The following LINGO2 variants were observed in gnomAD, a reference collection of about 807,000 sequenced individuals.
LINGO2 encodes the protein leucine rich repeat and Ig domain containing 2, also known as leucine-rich repeat and immunoglobulin-like domain-containing nogo receptor-interacting protein 2.
In LINGO2, 14 loss-of-function variants were observed where a neutral mutation model predicts 30.6. The ratio of observed to expected loss-of-function variants is 0.46; its 90% CI spans 0.30 to 0.72. LINGO2 has a LOEUF of 0.72. Among genes scored for constraint, LINGO2 ranks in the 30% least tolerant of loss-of-function variants. The pLI, the probability that LINGO2 is intolerant of heterozygous loss-of-function variation, is 0.07. For missense variants in LINGO2, 729 were observed against 751.7 expected (o/e 0.97, Z 0.35); for synonymous variants, 317 against 288.5 (o/e 1.10, Z -1.00).
intron 4 of LINGO2, among the ~76,000 whole-genome samples, chr9:28,224,661 C>T (rs1362453883): frequency 2.6e-5 from 4 of 152,052 alleles, no homozygotes; most frequent in Non-Finnish European, 5.9e-5. Flanking sequence ...TTTCCTTCCC[C>T]ATACCCTTCC....
the LINGO2 span, among the ~76,000 whole-genome samples, chr9:28,847,518 C>T: frequency 6.8e-6 from 1 of 146,564 alleles, no homozygotes; most frequent in African/African-American, 2.6e-5. Flanking sequence ...CTTCACATGC[C>T]TTTCATCCCC....
At chr9:28,836,268 G>C in the LINGO2 span, among the ~76,000 whole-genome samples, 1 of 152,172 alleles carries the variant, frequency 6.6e-6, no homozygotes, top group Admixed American at 6.5e-5. Flanking sequence ...CCAGTTCTCA[G>C]CATGGAGGCT....
In LINGO2 at chr9:28,433,474, C is replaced by G. The variant is rs78972350; in HGVS notation, c.-279+42466G>C. Among the ~76,000 whole-genome samples, 874 of 152,150 alleles carry G rather than the reference C, an allele frequency of 5.7e-3. 6 individuals are homozygous for G. Among genetic ancestry groups the G allele is most frequent in the South Asian group, 0.013 (62 of 4,828 alleles). On this transcript the variant is annotated intron_variant, in intron 2 of 5. Transcript: ENST00000379992. Reference sequence around the variant, plus strand: ...ATGCAAACCAGAAAGAGATGAACCTCAAAGCCTAGGATAGTGCTGATGGAA... The same window carrying G: ...ATGCAAACCAGAAAGAGATGAACCTGAAAGCCTAGGATAGTGCTGATGGAA...
At chr9:28,861,062 AT>A in the LINGO2 span, among the ~76,000 whole-genome samples, 6 of 126,410 alleles carry the variant, frequency 4.7e-5, no homozygotes, top group Admixed American at 3.8e-4. Flanking sequence ...TATAATATGT[AT>A]TATTAATATA....
At chr9:28,394,666 T>C (rs1587606547) in intron 2 of LINGO2, among the ~76,000 whole-genome samples, 1 of 152,158 alleles carries the variant, frequency 6.6e-6, no homozygotes, top group African/African-American at 2.4e-5. Flanking sequence ...TGGGGGTAGG[T>C]AGAGGTAACA....
At chr9:29,138,663 G>A in the LINGO2 span, among the ~76,000 whole-genome samples, 3 of 152,076 alleles carry the variant, frequency 2.0e-5, no homozygotes, top group African/African-American at 7.2e-5. Context: ...AACTTTCTCA[G>A]GTATGGTACG....
At chr9:28,775,392 T>C in the LINGO2 span, among the ~76,000 whole-genome samples, 15 of 152,154 alleles carry the variant, frequency 9.9e-5, no homozygotes, top group African/African-American at 3.4e-4. Flanking sequence ...CCAAAGATAG[T>C]GGAAACTATC....
At chr9:28,756,749 A>G in the LINGO2 span, among the ~76,000 whole-genome samples, 1 of 151,660 alleles carries the variant, frequency 6.6e-6, no homozygotes, top group Non-Finnish European at 1.5e-5. Flanking sequence ...TTCCCCCTTC[A>G]TGTGCTCTTT....
intron 2 of LINGO2, among the ~76,000 whole-genome samples, chr9:28,458,307 T>A (rs1247462149): frequency 6.6e-6 from 1 of 152,214 alleles, no homozygotes; most frequent in Non-Finnish European, 1.5e-5. Context: ...CACAAGCTCC[T>A]ATATTTTTAT....
chr9:28,082,019 G>A (rs1462321030), intron 4 of LINGO2, among the ~76,000 whole-genome samples: 2 of 151,976 alleles, frequency 1.3e-5, no homozygotes, highest in Admixed American at 6.6e-5. Context: ...ATTACACATG[G>A]GACTTCTTGA....
intron 2 of LINGO2, among the ~76,000 whole-genome samples, chr9:28,455,866 C>T (rs1040966452): frequency 3.9e-5 from 6 of 152,066 alleles, no homozygotes; most frequent in African/African-American, 1.4e-4. Context: ...TACACCATGG[C>T]ATTTTTCTTT....
chr9:28,334,630 G>A (rs899256419), intron 3 of LINGO2, among the ~76,000 whole-genome samples: 5 of 152,106 alleles, frequency 3.3e-5, no homozygotes, highest in Admixed American at 6.6e-5. Context: ...TTTGGGTGGC[G>A]TAGTGGTTAT....
chr9:28,654,099 T>C (rs931951275), intron 1 of LINGO2, among the ~76,000 whole-genome samples: 1 of 152,174 alleles, frequency 6.6e-6, no homozygotes, highest in Non-Finnish European at 1.5e-5. Context: ...TCTTATTTAC[T>C]TGATAAGCAG....
At chr9:28,095,696 C>T (rs1319367709) in intron 4 of LINGO2, among the ~76,000 whole-genome samples, 1 of 151,934 alleles carries the variant, frequency 6.6e-6, no homozygotes, top group East Asian at 1.9e-4. Context: ...CAACAAAAGC[C>T]AAAATTGAAA....
the LINGO2 span, among the ~76,000 whole-genome samples, chr9:29,086,840 G>T: frequency 0.15 from 22,850 of 151,372 alleles, 1,906 homozygotes; most frequent in South Asian, 0.21. Context: ...ACCACTGTTA[G>T]ATTCAGCATT....
the LINGO2 span, among the ~76,000 whole-genome samples, chr9:28,846,633 C>T: frequency 4.8e-5 from 7 of 147,358 alleles, no homozygotes; most frequent in African/African-American, 1.8e-4. Context: ...GATTTGTTTC[C>T]ACCTTTGTTC....
chr9:28,733,846 G>GAA, the LINGO2 span, among the ~76,000 whole-genome samples: 3 of 148,488 alleles, frequency 2.0e-5, no homozygotes, highest in East Asian at 5.9e-4. Context: ...CATTGGCCAA[G>GAA]AAAAAAAAAA....
At position 28,023,868 on chromosome 9, in the gene LINGO2, G is replaced by A. The variant is rs138514603; in HGVS notation, c.-86-11463C>T. Among the ~76,000 whole-genome samples, 602 of 152,210 alleles carry A rather than the reference G, an allele frequency of 4.0e-3. 3 individuals carry two copies. Among genetic ancestry groups the A allele is most frequent in the African/African-American group, 0.014 (585 of 41,524 alleles). The stretch of plus-strand genomic sequence containing the variant: ...TGCCACACAGGAATTTTTTCCTTTA[G>A]CTAGTCCATACTCAGCCTCCAACAA... On this transcript the variant is annotated intron_variant, in intron 4 of 5. Coordinates refer to ENST00000379992, the Ensembl canonical transcript of LINGO2.
intron 3 of LINGO2, among the ~76,000 whole-genome samples, chr9:28,331,628 C>A (rs544698813): frequency 6.6e-6 from 1 of 152,146 alleles, no homozygotes; most frequent in East Asian, 1.9e-4. Flanking sequence ...GCCTTAGTCT[C>A]CCAAGTAGTT....
Sources: allele counts gnomAD v4.1 joint callset (sites outside exome capture counted in the v4.1 genomes callset), GRCh38; gene constraint gnomAD v4.1.1; transcripts MANE v1.5; gene names NCBI Gene and HGNC (gene_info 2026-07-23, HGNC 2026-07-21).